Variants in STARD13 observed in about 807,000 individuals in gnomAD.
STARD13 encodes the protein stAR-related lipid transfer protein 13.
STARD13 carries 62 observed loss-of-function variants against 106.4 expected under a neutral mutation model. The observed-to-expected ratio is 0.58, with a 90% CI of 0.48 to 0.72. The LOEUF (loss-of-function observed/expected upper bound fraction) is 0.72, where lower values mean the gene tolerates loss of function less well. Ranked by LOEUF, STARD13 falls within the 30% of genes least tolerant of loss-of-function variation. STARD13 has a pLI of 0.00. For synonymous variants in STARD13, 565 were observed against 553.0 expected (o/e 1.02, Z -0.31); for missense variants, 1,387 against 1,424.0 (o/e 0.97, Z 0.42).
the STARD13 span, among the ~76,000 whole-genome samples, chr13:33,545,100 C>T: frequency 2.0e-4 from 31 of 152,196 alleles, no homozygotes; most frequent in Non-Finnish European, 4.3e-4. Flanking sequence ...GGATTACAGG[C>T]ATGTGCCACC....
chr13:33,375,613 G>A, the STARD13 span, among the ~76,000 whole-genome samples: 1 of 152,088 alleles, frequency 6.6e-6, no homozygotes, highest in Non-Finnish European at 1.5e-5. Flanking sequence ...GCAGCAGCAA[G>A]GAGAAGTGCT....
chr13:33,437,299 G>A, the STARD13 span, among the ~76,000 whole-genome samples: 28 of 152,068 alleles, frequency 1.8e-4, no homozygotes, highest in Non-Finnish European at 4.1e-4. Context: ...AATCGATCAC[G>A]ACCCTCTCAC....
At chr13:33,411,038 T>A in the STARD13 span, among the ~76,000 whole-genome samples, 1 of 152,384 alleles carries the variant, frequency 6.6e-6, no homozygotes, top group South Asian at 2.1e-4. Flanking sequence ...AATTTGTTAA[T>A]CCTACCATTA....
chr13:33,540,722 TTC>T, the STARD13 span, among the ~76,000 whole-genome samples: 1 of 152,242 alleles, frequency 6.6e-6, no homozygotes, highest in African/African-American at 2.4e-5. Flanking sequence ...ATGCTCACAA[TTC>T]TTTTTTCAAT....
chr13:33,104,039 CTG>C lies in STARD13; in HGVS notation c.*1552_*1553del, dbSNP rs1196144670. On this transcript the variant is annotated 3_prime_UTR_variant, in exon 14 of 14. Transcript: ENST00000336934. ...CTCTCAATAAAATAATTGCACATTG[CTG>C]ATAACAGAAACATTACATAAATGCA... The C allele has an allele frequency of 6.6e-6, 1 of 152,140 alleles. No individual in the cohort carries two copies. Among genetic ancestry groups the C allele is most frequent in the Non-Finnish European group, 1.5e-5 (1 of 68,018 alleles). The allele number at this position is 152,140 out of a possible 1,614,324, so 9.4% of individuals were successfully genotyped here.
At chr13:33,479,998 C>A in the STARD13 span, among the ~76,000 whole-genome samples, 1 of 152,130 alleles carries the variant, frequency 6.6e-6, no homozygotes, top group Admixed American at 6.6e-5. Context: ...ATTACCCAAT[C>A]TCAGGTATTT....
the STARD13 span, among the ~76,000 whole-genome samples, chr13:33,545,150 A>C: frequency 6.6e-6 from 1 of 151,946 alleles, no homozygotes; most frequent in East Asian, 1.9e-4. Context: ...AGTAGAGATC[A>C]GTTTTCTCCA....
At chr13:33,434,365 A>AAAAT in the STARD13 span, among the ~76,000 whole-genome samples, 1 of 151,260 alleles carries the variant, frequency 6.6e-6, no homozygotes, top group African/African-American at 2.4e-5. Flanking sequence ...AAAAAAAAAA[A>AAAAT]AAAAAAAAGA....
chr13:33,271,138 A>G (rs1000781580), intron 1 of STARD13, among the ~76,000 whole-genome samples: 1 of 152,250 alleles, frequency 6.6e-6, no homozygotes, highest in Non-Finnish European at 1.5e-5. Context: ...CTACAAGTGC[A>G]GAATACAACT....
intron 3 of STARD13, among the ~76,000 whole-genome samples, chr13:33,148,230 A>G (rs1402521542): frequency 6.6e-6 from 1 of 152,268 alleles, no homozygotes; most frequent in Non-Finnish European, 1.5e-5. Flanking sequence ...GACTTCATTA[A>G]AATTCAATAC....
At chr13:33,622,957 G>C in the STARD13 span, among the ~76,000 whole-genome samples, 36 of 151,614 alleles carry the variant, frequency 2.4e-4, no homozygotes, top group Non-Finnish European at 4.6e-4. Context: ...AAATCAGCTG[G>C]GTGTGGTGGC....
intron 1 of STARD13, chr13:33,180,311 T>C (rs1885109010): frequency 6.6e-6 from 1 of 152,216 alleles, no homozygotes; most frequent in South Asian, 2.1e-4. Flanking sequence ...AAGACAGTAT[T>C]GCGATTATGG....
At chr13:33,649,717 C>A in the STARD13 span, among the ~76,000 whole-genome samples, 1 of 152,014 alleles carries the variant, frequency 6.6e-6, no homozygotes, top group Admixed American at 6.6e-5. Flanking sequence ...AATTTAACTT[C>A]TGAATTTAAA....
At chr13:33,189,175 G>C (rs1426330413) in intron 1 of STARD13, among the ~76,000 whole-genome samples, 2 of 152,046 alleles carry the variant, frequency 1.3e-5, no homozygotes, top group Admixed American at 1.3e-4. Context: ...TACAAACAAA[G>C]CTTTTTTTAT....
At chr13:33,360,726 A>ATTCCTTCTGTGTAGACAGAAGGAATCCTT in the STARD13 span, among the ~76,000 whole-genome samples, 11 of 134,700 alleles carry the variant, frequency 8.2e-5, no homozygotes, top group South Asian at 2.5e-4. Context: ...AGACAGAAGG[A>ATTCCTTCTGTGTAGACAGAAGGAATCCTT]CATATTGTTG....
rs1391749926 is a variant in STARD13, at chr13:33,130,737, C to T, written c.388-448G>A. Among the ~76,000 whole-genome samples, 1 of 152,168 alleles carries T rather than the reference C, an allele frequency of 6.6e-6. No homozygotes were observed. Among genetic ancestry groups the T allele is most frequent in the Non-Finnish European group, 1.5e-5 (1 of 68,030 alleles). Reference sequence around the variant, plus strand: ...CACTGAGCCCCGGGGACCATATTTCCAGCTTGCCCCATCTGAATCTCAGCT... The same window carrying T: ...CACTGAGCCCCGGGGACCATATTTCTAGCTTGCCCCATCTGAATCTCAGCT... On this transcript the variant is annotated intron_variant, in intron 4 of 13. Transcript: ENST00000336934. This position sits in a 1 kb window ranked among gnomAD's most constrained non-coding sequence, Gnocchi z 4.1.
chr13:33,133,245 T>C (rs1361383717), intron 4 of STARD13, among the ~76,000 whole-genome samples: 2 of 152,154 alleles, frequency 1.3e-5, no homozygotes, highest in South Asian at 4.1e-4. Flanking sequence ...CACTGTGGCC[T>C]GGGAAGGGAA....
chr13:33,243,564 A>G (rs1012873692), intron 1 of STARD13, among the ~76,000 whole-genome samples: 2 of 152,194 alleles, frequency 1.3e-5, no homozygotes, highest in African/African-American at 2.4e-5. Flanking sequence ...CTCAAAAATG[A>G]TACCTCTAGC....
At chr13:33,182,893 G>A (rs1885382582) in intron 1 of STARD13, among the ~76,000 whole-genome samples, 1 of 152,212 alleles carries the variant, frequency 6.6e-6, no homozygotes, top group South Asian at 2.1e-4. Flanking sequence ...ACGGCCCACA[G>A]TGCCTTCCTG....
Sources: allele counts gnomAD v4.1 joint callset (sites outside exome capture counted in the v4.1 genomes callset), GRCh38; gene constraint gnomAD v4.1.1; non-coding constraint Gnocchi (gnomAD v3.1); transcripts MANE v1.5; gene names NCBI Gene and HGNC (gene_info 2026-07-23, HGNC 2026-07-21).